SH3RF3: variants seen among roughly 807,000 people sequenced by gnomAD.
SH3RF3 encodes SH3 domain containing ring finger 3, also known as E3 ubiquitin-protein ligase SH3RF3.
In SH3RF3, 29 loss-of-function variants were observed where a neutral mutation model predicts 66.3. The observed-to-expected ratio is 0.44, with a 90% CI of 0.33 to 0.60. The LOEUF is 0.60. SH3RF3 is among the 20% of genes least tolerant of loss of function. SH3RF3 has a pLI of 0.04. For synonymous variants in SH3RF3, 583 were observed against 532.0 expected (o/e 1.10, Z -1.32); for missense variants, 1,194 against 1,190.9 (o/e 1.00, Z -0.04).
chr2:109,441,232 T>TTA (rs1677555467), intron 7 of SH3RF3, among the ~76,000 whole-genome samples: 2 of 151,938 alleles, frequency 1.3e-5, no homozygotes, highest in East Asian at 3.9e-4. Context: ...AAAATATGAC[T>TTA]TATAATGAAG....
intron 1 of SH3RF3, among the ~76,000 whole-genome samples, chr2:109,257,813 G>A (rs1055364102): frequency 2.0e-5 from 3 of 152,194 alleles, no homozygotes. Context: ...CAGCCAGCCT[G>A]TTTAAGTGGA....
At position 109,339,594 on chromosome 2, in the gene SH3RF3, G is replaced by A. The variant is rs117417154; in HGVS notation, c.574-8080G>A. 8.3e-3 allele frequency among the ~76,000 whole-genome samples: 1,259 copies of A among 152,308 alleles called. 15 individuals carry two copies. The highest frequency in any genetic ancestry group is 0.044 in the East Asian group (227 of 5,180). ...TTCAGGCCCTGGAGGGTGCCTGGGTGGGGCTGCAGGGGTTGCCGGTAGCGA... is the reference window on the plus strand; with the variant it reads ...TTCAGGCCCTGGAGGGTGCCTGGGTAGGGCTGCAGGGGTTGCCGGTAGCGA... On this transcript the variant is annotated intron_variant, in intron 1 of 9. Transcript: ENST00000309415.
At chr2:109,494,743 C>G (rs556562616) in intron 9 of SH3RF3, among the ~76,000 whole-genome samples, 1 of 152,054 alleles carries the variant, frequency 6.6e-6, no homozygotes, top group Non-Finnish European at 1.5e-5. Context: ...AAGGTTTCCA[C>G]CCCAAAATGC....
intron 1 of SH3RF3, among the ~76,000 whole-genome samples, chr2:109,142,078 T>C (rs1310096441): frequency 6.6e-6 from 1 of 151,568 alleles, no homozygotes; most frequent in African/African-American, 2.4e-5. Flanking sequence ...CTAGAACTTC[T>C]GCTGCAGCCC....
intron 9 of SH3RF3, among the ~76,000 whole-genome samples, chr2:109,501,142 C>T (rs892747350): frequency 6.6e-6 from 1 of 151,844 alleles, no homozygotes; most frequent in African/African-American, 2.4e-5. Context: ...TTTTCCTGAC[C>T]CTCCCCCGCC....
chr2:109,134,839 AC>A (rs1438775794), intron 1 of SH3RF3, among the ~76,000 whole-genome samples: 12 of 152,138 alleles, frequency 7.9e-5, no homozygotes, highest in African/African-American at 2.9e-4. Flanking sequence ...TGTCTTGTAA[AC>A]CCACAGAGTG....
At chr2:109,343,744 CTTT>C (rs35606755) in intron 1 of SH3RF3, among the ~76,000 whole-genome samples, 1 of 143,788 alleles carries the variant, frequency 7.0e-6, no homozygotes, top group African/African-American at 2.6e-5. Flanking sequence ...CCCTGGTTTC[CTTT>C]TTTTTTTTTT....
At chr2:109,264,339 A>G (rs1680434777) in intron 1 of SH3RF3, among the ~76,000 whole-genome samples, 1 of 147,546 alleles carries the variant, frequency 6.8e-6, no homozygotes, top group Non-Finnish European at 1.5e-5. Context: ...TCACCTCCCC[A>G]GGATCCACTC....
chr2:109,390,494 A>C (rs987245629), intron 3 of SH3RF3, among the ~76,000 whole-genome samples: 1 of 151,384 alleles, frequency 6.6e-6, no homozygotes, highest in Non-Finnish European at 1.5e-5. Flanking sequence ...CTGAAATGAC[A>C]ATGTAGATTG....
intron 7 of SH3RF3, among the ~76,000 whole-genome samples, chr2:109,444,103 T>A (rs1251249781): frequency 2.0e-5 from 3 of 152,152 alleles, no homozygotes; most frequent in Non-Finnish European, 4.4e-5. Context: ...TAACAAATAT[T>A]TGATATACTC....
At chr2:109,326,442 G>A (rs1333932347) in intron 1 of SH3RF3, among the ~76,000 whole-genome samples, 1 of 152,108 alleles carries the variant, frequency 6.6e-6, no homozygotes, top group Non-Finnish European at 1.5e-5. Context: ...TGGCGATCAG[G>A]CAGCACTTTG....
chr2:109,341,081 A>T (rs1196490935), intron 1 of SH3RF3, among the ~76,000 whole-genome samples: 8 of 152,146 alleles, frequency 5.3e-5, no homozygotes, highest in Non-Finnish European at 4.4e-5. Flanking sequence ...CCTTTGTCTT[A>T]TTTCATCAAT....
At chr2:109,412,391 T>A in intron 4 of SH3RF3, among the ~76,000 whole-genome samples, 1 of 152,182 alleles carries the variant, frequency 6.6e-6, no homozygotes, top group East Asian at 1.9e-4. Flanking sequence ...TGGCTGTGCT[T>A]TGCTTGTGCT....
Position 109,185,616 on chromosome 2 carries a change from C to T in SH3RF3, c.573+55503C>T, listed in dbSNP as rs557646662. 3.4e-4 allele frequency among the ~76,000 whole-genome samples: 51 copies of T among 152,110 alleles called. 1 individual carries two copies. The highest frequency in any genetic ancestry group is 3.1e-3 in the South Asian group (15 of 4,810). ...CTGCCTTTGGGGTTGGCAGAGAAGCCGGAGCCAAGTCCCTGGACAGGACAG... is the reference window on the plus strand; with the variant it reads ...CTGCCTTTGGGGTTGGCAGAGAAGCTGGAGCCAAGTCCCTGGACAGGACAG... On this transcript the variant is annotated intron_variant, in intron 1 of 9. Transcript: ENST00000309415.
intron 1 of SH3RF3, among the ~76,000 whole-genome samples, chr2:109,226,432 C>T (rs541192934): frequency 1.3e-5 from 2 of 152,168 alleles, no homozygotes; most frequent in Non-Finnish European, 2.9e-5. Context: ...TAATGACACA[C>T]GTGGCCCATG....
At chr2:109,256,677 T>G (rs1285984060) in intron 1 of SH3RF3, among the ~76,000 whole-genome samples, 10 of 152,220 alleles carry the variant, frequency 6.6e-5, no homozygotes, top group Admixed American at 6.5e-4. Flanking sequence ...TAAGTTTTGT[T>G]TTCTCAATCT....
At chr2:109,146,885 T>TCCCC (rs570589119) in intron 1 of SH3RF3, among the ~76,000 whole-genome samples, 7 of 14,406 alleles carry the variant, frequency 4.9e-4, no homozygotes, top group Non-Finnish European at 6.2e-4. Flanking sequence ...CTTTTTTCCC[T>TCCCC]CCCCCCCCCC....
intron 6 of SH3RF3, among the ~76,000 whole-genome samples, chr2:109,434,065 C>T (rs1460802420): frequency 4.6e-5 from 7 of 152,194 alleles, no homozygotes; most frequent in African/African-American, 1.2e-4. Context: ...AGCCTGCAAC[C>T]GGCCTGTGCT....
intron 2 of SH3RF3, 122 bp from the exon 3 acceptor site, chr2:109,371,464 T>C (rs1255175854): frequency 1.1e-5 from 8 of 713,020 alleles, no homozygotes; most frequent in Non-Finnish European, 2.0e-5. Flanking sequence ...GATAATGCAC[T>C]CTTCTTGAAC....
Sources: allele counts gnomAD v4.1 joint callset (sites outside exome capture counted in the v4.1 genomes callset), GRCh38; gene constraint gnomAD v4.1.1; transcripts MANE v1.5; gene names NCBI Gene and HGNC (gene_info 2026-07-23, HGNC 2026-07-21).